CBLN2: variants seen among roughly 807,000 people sequenced by gnomAD.
The protein encoded by CBLN2 is cerebellin-2.
In CBLN2, 7 loss-of-function variants were observed where a neutral mutation model predicts 15.0. That is an observed-to-expected ratio of 0.47 (90% CI 0.27 to 0.88). CBLN2 has a LOEUF of 0.88. Ranked by LOEUF, CBLN2 falls within the 40% of genes least tolerant of loss-of-function variation. CBLN2 has a pLI of 0.14. For missense variants in CBLN2, 242 were observed against 304.5 expected (o/e 0.79, Z 1.53); for synonymous variants, 149 against 135.2 (o/e 1.10, Z -0.71).
At chr18:72,541,341 A>G (rs2069109262) in intron 3 of CBLN2, among the ~76,000 whole-genome samples, 1 of 151,786 alleles carries the variant, frequency 6.6e-6, no homozygotes, top group Admixed American at 6.6e-5. Context: ...AAAATAAGCA[A>G]TAGGAATGTA....
chr18:72,609,511 G>T (rs752745399), intron 1 of CBLN2, among the ~76,000 whole-genome samples: 3 of 152,078 alleles, frequency 2.0e-5, no homozygotes, highest in African/African-American at 4.8e-5. Flanking sequence ...CTCCAGAACT[G>T]CAAGAAAAAA....
chr18:72,542,204 G>T lies in CBLN2; in HGVS notation c.-44C>A. On this transcript the variant is annotated 5_prime_UTR_variant, in exon 3 of 5. Coordinates refer to ENST00000269503, the MANE Select transcript of CBLN2 (RefSeq NM_182511.4). ...GCGCGCGGGGGTGGAGGCCGGCGCC[G>T]GCGCGAGCGGCGCGGAAGGGCGCGA... 3.4e-6 allele frequency: 4 copies of T among 1,159,712 alleles called. No homozygotes were observed. Among genetic ancestry groups the T allele is most frequent in the Middle Eastern group, 3.5e-4 (1 of 2,874 alleles). The allele number at this position is 1,159,712 out of a possible 1,614,324, so 71.8% of individuals were successfully genotyped here.
Position 72,538,206 on chromosome 18 carries a change from T to C in CBLN2, c.645A>G (p.Thr215=), listed in dbSNP as rs747489925. 12 of 1,613,948 alleles carry C rather than the reference T, an allele frequency of 7.4e-6. No homozygotes were observed. The highest frequency in any genetic ancestry group is 1.0e-5 in the Non-Finnish European group (12 of 1,180,022). The change falls in exon 5 of 5, where the codon ACA becomes ACG. Residue 215 remains threonine (T), a synonymous_variant. Transcript: ENST00000269503. Reference sequence around the variant, plus strand: ...GAGGAAACACCAAGAAGCCCGAGAATGTGGAGTATTTCCAGCCCCCCATGA... The same window carrying C: ...GAGGAAACACCAAGAAGCCCGAGAACGTGGAGTATTTCCAGCCCCCCATGA... ...GNLMGGWKYS[T]FSGFLVFPL
At chr18:72,601,159 G>A (rs148251261) in intron 1 of CBLN2, among the ~76,000 whole-genome samples, 3 of 152,230 alleles carry the variant, frequency 2.0e-5, no homozygotes, top group East Asian at 1.9e-4. Context: ...CATTATCACC[G>A]TTGTGAGGGC....
intron 1 of CBLN2, among the ~76,000 whole-genome samples, chr18:72,579,520 C>T (rs896581674): frequency 6.6e-6 from 1 of 152,046 alleles, no homozygotes; most frequent in Non-Finnish European, 1.5e-5. Context: ...ATCACAAGGT[C>T]AGGGGTTGGA....
At chr18:72,596,040 G>C (rs1461086098) in intron 1 of CBLN2, among the ~76,000 whole-genome samples, 3 of 151,984 alleles carry the variant, frequency 2.0e-5, no homozygotes, top group Non-Finnish European at 4.4e-5. Flanking sequence ...TGTGATTGTT[G>C]ATAAGTAAGG....
chr18:72,629,901 T>A (rs997552477), intron 1 of CBLN2, among the ~76,000 whole-genome samples: 8 of 152,208 alleles, frequency 5.3e-5, no homozygotes, highest in African/African-American at 1.4e-4. Flanking sequence ...TATATTTATA[T>A]TTTTTATATT....
chr18:72,549,055 A>C (rs570434304), upstream of CBLN2, among the ~76,000 whole-genome samples: 1 of 152,054 alleles, frequency 6.6e-6, no homozygotes, highest in South Asian at 2.1e-4. Context: ...TCTGTCACCC[A>C]GACCGGAGGG....
chr18:72,546,982 C>A (rs1194382909), upstream of CBLN2, among the ~76,000 whole-genome samples: 1 of 151,798 alleles, frequency 6.6e-6, no homozygotes, highest in Non-Finnish European at 1.5e-5. Context: ...AGTATCTACT[C>A]AAAGGAAAAA....
At position 72,538,674 on chromosome 18, in the gene CBLN2, C is replaced by T. The variant is rs749451270; in HGVS notation, c.456G>A (p.Val152=). The T allele has an allele frequency of 6.2e-7, 1 of 1,613,920 alleles. No individual in the cohort carries two copies. Among genetic ancestry groups the T allele is most frequent in the Non-Finnish European group, 8.5e-7 (1 of 1,180,016 alleles). The change falls in exon 4 of 5, where the codon GTG becomes GTA. Residue 152 remains valine (V), a synonymous_variant. Transcript: ENST00000269503. ...CCACCTGGATGGTTTGTCTGTTATA[C>T]ACTTTGACCACGTGGAAGCTGAAGC... ...IYSFSFHVVK[V]YNRQTIQVSL...
At chr18:72,541,215 A>T (rs996075457) in intron 3 of CBLN2, among the ~76,000 whole-genome samples, 3 of 152,076 alleles carry the variant, frequency 2.0e-5, no homozygotes, top group Non-Finnish European at 2.9e-5. Flanking sequence ...TATTTCATTT[A>T]CTATATATTT....
At chr18:72,585,093 G>A (rs1057217730) in intron 1 of CBLN2, among the ~76,000 whole-genome samples, 4 of 152,148 alleles carry the variant, frequency 2.6e-5, no homozygotes, top group Admixed American at 2.0e-4. Flanking sequence ...CCAGAAGCTT[G>A]GAGACAACAG....
chr18:72,619,131 G>T, intron 1 of CBLN2: 1 of 739,928 alleles, frequency 1.4e-6, no homozygotes, highest in Non-Finnish European at 2.4e-6. Flanking sequence ...CCCCTATGGT[G>T]GTGGAAGCCA....
upstream of CBLN2, among the ~76,000 whole-genome samples, chr18:72,546,987 G>GA (rs538541029): frequency 3.2e-3 from 492 of 151,966 alleles, 4 homozygotes; most frequent in African/African-American, 0.012. Context: ...CTACTCAAAG[G>GA]AAAAAAATCA....
intron 1 of CBLN2, among the ~76,000 whole-genome samples, chr18:72,608,552 T>C (rs1309515016): frequency 6.6e-6 from 1 of 152,200 alleles, no homozygotes; most frequent in Non-Finnish European, 1.5e-5. Flanking sequence ...ATTAGTATTT[T>C]ATTAGGGAGC....
intron 1 of CBLN2, among the ~76,000 whole-genome samples, chr18:72,570,412 A>ATTT (rs200559874): frequency 3.9e-5 from 5 of 128,372 alleles, no homozygotes; most frequent in Admixed American, 7.8e-5. Flanking sequence ...TAATTTTTGT[A>ATTT]TTTTTTTTTT....
At chr18:72,633,446 C>T (rs758214254) in intron 1 of CBLN2, among the ~76,000 whole-genome samples, 4 of 152,126 alleles carry the variant, frequency 2.6e-5, no homozygotes, top group Admixed American at 2.0e-4. Context: ...AATACAAAAA[C>T]ACAGTAGTAA....
Position 72,556,493 on chromosome 18 carries a change from A to C in CBLN2, c.16-17721T>G, listed in dbSNP as rs1232915726. 5.9e-5 allele frequency among the ~76,000 whole-genome samples: 9 copies of C among 152,348 alleles called. No individual in the cohort carries two copies. In the South Asian group the frequency reaches 1.2e-3, roughly 21 times the overall value. On this transcript the variant is annotated intron_variant, in intron 1 of 2. Coordinates refer to the CBLN2 transcript ENST00000581073. Reference sequence around the variant, plus strand: ...ACACAGATAGAAAGAAAGAGAAAAGAAAAGAAAAGAAAATTCCTCCTGCAC... The same window carrying C: ...ACACAGATAGAAAGAAAGAGAAAAGCAAAGAAAAGAAAATTCCTCCTGCAC...
intron 1 of CBLN2, among the ~76,000 whole-genome samples, chr18:72,629,650 G>A (rs1409395065): frequency 6.6e-6 from 1 of 151,846 alleles, no homozygotes; most frequent in African/African-American, 2.4e-5. Flanking sequence ...TAAATTGAAG[G>A]CCCCTCAAAA....
Sources: gnomAD v4.1 joint callset for allele counts (sites outside exome capture counted in the v4.1 genomes callset) on GRCh38, gnomAD v4.1.1 for gene constraint, MANE v1.5 for transcripts, NCBI Gene and HGNC (gene_info 2026-07-23, HGNC 2026-07-21) for gene names.